WHRN: variants seen among roughly 807,000 people sequenced by gnomAD.
WHRN encodes CASK-interacting protein CIP98.
A neutral mutation model predicts 68.3 loss-of-function variants in WHRN; 41 were observed. The observed-to-expected ratio is 0.60, with a 90% CI of 0.47 to 0.78. WHRN has a LOEUF of 0.78. Ranked by LOEUF, WHRN falls within the 30% of genes least tolerant of loss-of-function variation. WHRN has a pLI of 0.00. For synonymous variants in WHRN, 560 were observed against 561.3 expected (o/e 1.00, Z 0.03); for missense variants, 1,243 against 1,244.7 (o/e 1.00, Z 0.02).
chr9:114,466,482 A>G, intron 2 of WHRN, 90 bp from the exon 3 acceptor site: 1 of 1,579,048 alleles, frequency 6.3e-7, no homozygotes, highest in Non-Finnish European at 8.6e-7. Flanking sequence ...CGTACTTTGA[A>G]GAGCGCATCT....
intron 1 of WHRN, among the ~76,000 whole-genome samples, chr9:114,484,861 C>T (rs113413073): frequency 1.3e-5 from 2 of 152,174 alleles, no homozygotes; most frequent in Non-Finnish European, 2.9e-5. Flanking sequence ...ACTCTGAAAC[C>T]CCAAAATCAT....
At chr9:114,434,296 T>G (rs761999382) in intron 3 of WHRN, among the ~76,000 whole-genome samples, 3 of 152,198 alleles carry the variant, frequency 2.0e-5, no homozygotes, top group Non-Finnish European at 2.9e-5. Context: ...AGCAAGCAAG[T>G]AGCAGAGTGG....
At chr9:114,421,934 G>A (rs538237255) in intron 7 of WHRN, among the ~76,000 whole-genome samples, 5 of 152,248 alleles carry the variant, frequency 3.3e-5, no homozygotes, top group African/African-American at 1.2e-4. Context: ...CAGGATGGGA[G>A]GGATAGGGGT....
At chr9:114,429,962 T>A (rs1291059233) in intron 3 of WHRN, among the ~76,000 whole-genome samples, 1 of 152,250 alleles carries the variant, frequency 6.6e-6, no homozygotes, top group Non-Finnish European at 1.5e-5. Context: ...TTCCACCTGC[T>A]GCTCTGAGCT....
intron 1 of WHRN, among the ~76,000 whole-genome samples, chr9:114,487,956 G>C (rs1293732274): frequency 6.6e-6 from 1 of 152,188 alleles, no homozygotes; most frequent in Non-Finnish European, 1.5e-5. Flanking sequence ...GGCAGATCTT[G>C]GCTCTATCTT....
intron 10 of WHRN, 121 bp from the exon 11 acceptor site, chr9:114,403,460 G>C: frequency 7.4e-7 from 1 of 1,342,520 alleles, no homozygotes; most frequent in Non-Finnish European, 1.1e-6. Flanking sequence ...CCTGTGTCGG[G>C]AGCCTCAGGT....
intron 1 of WHRN, among the ~76,000 whole-genome samples, chr9:114,490,104 TC>T (rs767898092): frequency 5.3e-5 from 8 of 152,314 alleles, no homozygotes; most frequent in Non-Finnish European, 8.8e-5. Context: ...CACGACACGG[TC>T]CATCTGCTCC....
At chr9:114,458,905 A>G (rs996147468) in intron 3 of WHRN, among the ~76,000 whole-genome samples, 2 of 152,196 alleles carry the variant, frequency 1.3e-5, no homozygotes, top group Non-Finnish European at 2.9e-5. Context: ...ATGTTCCACC[A>G]TAACAAATCC....
intron 4 of WHRN, chr9:114,425,634 G>A (rs772896695): frequency 4.3e-5 from 5 of 115,646 alleles, no homozygotes; most frequent in Non-Finnish European, 9.1e-5. Context: ...CACACACAGA[G>A]AGACACAGAC....
intron 8 of WHRN, among the ~76,000 whole-genome samples, chr9:114,407,394 C>T (rs1363879760): frequency 2.0e-5 from 3 of 152,088 alleles, no homozygotes; most frequent in African/African-American, 4.8e-5. Context: ...TGGGGAAAAG[C>T]ACATCTACCC....
At chr9:114,503,507 G>T (rs529020682) in intron 1 of WHRN, 1 of 152,638 alleles carries the variant, frequency 6.6e-6, no homozygotes, top group African/African-American at 2.4e-5. Flanking sequence ...TTGTCATGAG[G>T]TTATATTTCT....
intron 3 of WHRN, among the ~76,000 whole-genome samples, chr9:114,427,197 G>C (rs1411359030): frequency 1.3e-5 from 2 of 152,346 alleles, no homozygotes; most frequent in Admixed American, 1.3e-4. Context: ...GTTCGAGGCT[G>C]CTGTGAACTG....
rs531083803 is a variant in WHRN, at chr9:114,433,401, C to T, written c.964-6988G>A. Among the ~76,000 whole-genome samples, 60 of 152,238 alleles carry T rather than the reference C, an allele frequency of 3.9e-4. 1 individual carries two copies. The highest frequency in any genetic ancestry group is 1.3e-3 in the African/African-American group (54 of 41,528). On this transcript the variant is annotated intron_variant, in intron 3 of 11. Transcript: ENST00000362057. The stretch of plus-strand genomic sequence containing the variant: ...TGTACCAGCCACGCTGGGAAGGGCC[C>T]GAAAGAAGCCGATTTCAGAGTTGCC...
intron 1 of WHRN, among the ~76,000 whole-genome samples, chr9:114,485,059 G>A (rs1842372049): frequency 6.6e-6 from 1 of 152,204 alleles, no homozygotes; most frequent in Non-Finnish European, 1.5e-5. Context: ...TCACTGTGCT[G>A]AGGAGCACGT....
chr9:114,472,930 G>C (rs1248951793), intron 2 of WHRN, among the ~76,000 whole-genome samples: 1 of 152,226 alleles, frequency 6.6e-6, no homozygotes, highest in Non-Finnish European at 1.5e-5. Flanking sequence ...CCAAGGTTAA[G>C]TGGCTTGCCC....
chr9:114,406,956 C>T (rs942350477), intron 8 of WHRN, 64 bp from the exon 9 acceptor site: 12 of 1,538,220 alleles, frequency 7.8e-6, no homozygotes, highest in African/African-American at 6.9e-5. Flanking sequence ...GAGGGGAGGC[C>T]GAGCAGCTGA....
chr9:114,432,630 A>G (rs1408526), intron 3 of WHRN, among the ~76,000 whole-genome samples: 28,597 of 152,182 alleles, frequency 0.19, 3,188 homozygotes, highest in Middle Eastern at 0.29. Flanking sequence ...CCTCCTCTGG[A>G]AAATAGAGAT....
chr9:114,466,399 G>C lies in WHRN; in HGVS notation c.838-7C>G. 5 of 1,613,934 alleles carry C rather than the reference G, an allele frequency of 3.1e-6. No individual in the cohort carries two copies. The highest frequency in any genetic ancestry group is 4.2e-6 in the Non-Finnish European group (5 of 1,180,022). On this transcript the variant is annotated splice_region_variant and splice_polypyrimidine_tract_variant and intron_variant, in intron 2 of 11. Coordinates refer to ENST00000362057, the MANE Select transcript of WHRN (RefSeq NM_015404.4). Reference sequence around the variant, plus strand: ...CCCCCAGCACCAGGTTCACCTGTCAGAGGGAGAGGATAACATTAGAGGGAC... The same window carrying C: ...CCCCCAGCACCAGGTTCACCTGTCACAGGGAGAGGATAACATTAGAGGGAC...
chr9:114,462,242 T>A (rs1840306067), intron 3 of WHRN, among the ~76,000 whole-genome samples: 1 of 152,200 alleles, frequency 6.6e-6, no homozygotes, highest in Non-Finnish European at 1.5e-5. Flanking sequence ...AGCAGGGTGT[T>A]CTGGAATATC....
Sources: allele counts gnomAD v4.1 joint callset (sites outside exome capture counted in the v4.1 genomes callset), GRCh38; gene constraint gnomAD v4.1.1; transcripts MANE v1.5; gene names NCBI Gene and HGNC (gene_info 2026-07-23, HGNC 2026-07-21).